ANKRD36C: variants seen among roughly 807,000 people sequenced by gnomAD.
ANKRD36C encodes the protein ankyrin repeat domain 36C.
A neutral mutation model predicts 276.4 loss-of-function variants in ANKRD36C; 61 were observed. The ratio of observed to expected loss-of-function variants is 0.22; its 90% confidence interval spans 0.18 to 0.27. The LOEUF (loss-of-function observed/expected upper bound fraction) is 0.27. Ranked by LOEUF, ANKRD36C falls within the 10% of genes least tolerant of loss-of-function variation. The pLI is 1.00. For synonymous variants in ANKRD36C, 483 were observed against 680.1 expected (o/e 0.71, Z 4.51); for missense variants, 1,447 against 2,032.3 (o/e 0.71, Z 5.54).
In ANKRD36C at chr2:95,887,947, C is replaced by T. The variant is rs747038391; in HGVS notation, c.3039G>A (p.Lys1013=). Residue 1013 remains lysine (K), a synonymous_variant, in exon 50 of 67, where the codon AAG becomes AAA. Transcript: ENST00000456556. ...TACCTGTTCCAGATTGTTGTCCATC[C>T]TTTATTTCTGTGGGTATATTCGAAA... 6 of 1,596,982 alleles carry T rather than the reference C, an allele frequency of 3.8e-6. No individual in the cohort carries two copies. In the Admixed American group the frequency reaches 7.0e-5, roughly 19 times the overall value.
chr2:95,902,703 T>A (rs563864238), intron 42 of ANKRD36C, among the ~76,000 whole-genome samples, 183 bp downstream of exon 54: 1 of 150,148 alleles, frequency 6.7e-6, no homozygotes, highest in Non-Finnish European at 1.5e-5. Context: ...ATAATCTTAC[T>A]GCGAAGATCA....
chr2:95,875,578 C>T (rs959776463), intron 59 of ANKRD36C, among the ~76,000 whole-genome samples: 1 of 150,534 alleles, frequency 6.6e-6, no homozygotes, highest in Non-Finnish European at 1.5e-5. Context: ...ATACCTAATG[C>T]TAAATGACGA....
In ANKRD36C at chr2:95,962,489, A is replaced by C. The variant is rs577896412; in HGVS notation, c.828+30T>G. 127 of 1,597,400 alleles carry C rather than the reference A, an allele frequency of 8.0e-5. No homozygotes were observed. The East Asian group carries it at 2.0e-3, about 26-fold the overall frequency. ...ATTTTTCACAGACTATATAGTTAAT[A>C]GTTCAAAACAGAAATGAATGTGTAA... is the stretch of plus-strand genomic sequence containing the variant. On this transcript the variant is annotated intron_variant, in intron 7 of 66. Coordinates refer to ENST00000456556, the Ensembl canonical transcript of ANKRD36C.
chr2:95,954,495 G>C (rs13034482), intron 13 of ANKRD36C, among the ~76,000 whole-genome samples: 1 of 152,082 alleles, frequency 6.6e-6, no homozygotes, highest in Non-Finnish European at 1.5e-5. Flanking sequence ...TGGGAGTCTT[G>C]GATCTTCAGC....
intron 60 of ANKRD36C, among the ~76,000 whole-genome samples, chr2:95,864,916 T>G (rs1007913280): frequency 6.6e-6 from 1 of 152,078 alleles, no homozygotes; most frequent in African/African-American, 2.4e-5. Flanking sequence ...AACTAATAAG[T>G]GAGTTTAACA....
At chr2:95,988,313 A>G (rs1679074309) in intron 1 of ANKRD36C, among the ~76,000 whole-genome samples, 1 of 152,104 alleles carries the variant, frequency 6.6e-6, no homozygotes, top group South Asian at 2.1e-4. Flanking sequence ...AATGATTAAT[A>G]GTAGTATTTG....
At chr2:95,913,658 T>A (rs1388869726) in intron 40 of ANKRD36C, among the ~76,000 whole-genome samples, 3 of 151,446 alleles carry the variant, frequency 2.0e-5, no homozygotes, top group Non-Finnish European at 4.4e-5. Flanking sequence ...TCACAATCCG[T>A]CTTCCTTAGG....
chr2:95,965,991 C>T (rs1356597901), intron 6 of ANKRD36C, among the ~76,000 whole-genome samples: 1 of 152,016 alleles, frequency 6.6e-6, no homozygotes. Context: ...GGTTACATGT[C>T]GTCAATAAGT....
chr2:95,965,307 C>A (rs1202285845), intron 6 of ANKRD36C, among the ~76,000 whole-genome samples: 2 of 151,906 alleles, frequency 1.3e-5, no homozygotes, highest in Non-Finnish European at 2.9e-5. Context: ...GCCTATTTGT[C>A]ATTTGACATC....
rs558141147 is a variant in ANKRD36C, at chr2:95,888,086, A to C, written c.2988+6T>G. On this transcript the variant is annotated splice_donor_region_variant and intron_variant, in intron 49 of 66. Transcript: ENST00000456556. ...TAGTTCACAATATAAATGACAGTTT[A>C]ATTACCTTCAAGGCTGGTTGTTTCT... 1 of 1,609,454 alleles carries C rather than the reference A, an allele frequency of 6.2e-7. No homozygotes were observed. The highest frequency in any genetic ancestry group is 2.2e-5 in the East Asian group (1 of 44,764).
intron 42 of ANKRD36C, among the ~76,000 whole-genome samples, chr2:95,911,042 C>T (rs1011940009): frequency 6.6e-6 from 1 of 151,496 alleles, no homozygotes; most frequent in East Asian, 2.0e-4. Context: ...TGCGACGATA[C>T]TTCAGTTGAA....
At chr2:95,908,853 A>C (rs1326914609) in intron 42 of ANKRD36C, among the ~76,000 whole-genome samples, 156 bp from the exon 47 acceptor site, 23 of 151,360 alleles carry the variant, frequency 1.5e-4, no homozygotes, top group African/African-American at 5.6e-4. Context: ...AACATGACAG[A>C]AATACGCTGA....
At chr2:95,987,190 C>G in exon 2 of ANKRD36C, 1 of 1,547,034 alleles carries the variant, frequency 6.5e-7, no homozygotes, top group Non-Finnish European at 8.7e-7. Flanking sequence ...GTGGCACAGG[C>G]CAAATGTAGG....
intron 44 of ANKRD36C, 45 bp downstream of exon 61, chr2:95,895,517 G>A: frequency 6.9e-7 from 1 of 1,455,074 alleles, no homozygotes; most frequent in Non-Finnish European, 9.2e-7. Flanking sequence ...ATGTTTCATA[G>A]GCTTTACATT....
chr2:95,985,711 A>T (rs2579531), intron 3 of ANKRD36C, among the ~76,000 whole-genome samples: 1 of 152,234 alleles, frequency 6.6e-6, no homozygotes, highest in Non-Finnish European at 1.5e-5. Context: ...TCTCACTCAC[A>T]TGGCAAATTC....
chr2:95,914,235 T>C, intron 39 of ANKRD36C, 40 bp downstream of exon 41: 1 of 1,557,770 alleles, frequency 6.4e-7, no homozygotes. Context: ...TCATAGACTA[T>C]GCATTTACTA....
At chr2:95,916,850 G>T (rs1677112790) in intron 36 of ANKRD36C, among the ~76,000 whole-genome samples, 1 of 151,658 alleles carries the variant, frequency 6.6e-6, no homozygotes, top group Middle Eastern at 3.4e-3. Flanking sequence ...TAATATTTTA[G>T]ACTCGATAAA....
intron 46 of ANKRD36C, 53 bp from the exon 67 acceptor site, chr2:95,890,047 T>C: frequency 6.4e-7 from 1 of 1,566,856 alleles, no homozygotes; most frequent in Non-Finnish European, 8.8e-7. Context: ...GATAAAGTTA[T>C]TCATACATTC....
chr2:95,982,166 T>C (rs1372948149), intron 4 of ANKRD36C, 90 bp downstream of exon 4: 2 of 966,646 alleles, frequency 2.1e-6, no homozygotes, highest in Middle Eastern at 2.3e-4. Context: ...AGTCTTCTTA[T>C]TAATGTAAAA....
Sources: gnomAD v4.1 joint callset for allele counts (sites outside exome capture counted in the v4.1 genomes callset) on GRCh38, gnomAD v4.1.1 for gene constraint, MANE v1.5 for transcripts, NCBI Gene and HGNC (gene_info 2026-07-23, HGNC 2026-07-21) for gene names.